PHACTR1: variants seen among roughly 807,000 people sequenced by gnomAD.
PHACTR1 encodes RPEL repeat containing 1.
In PHACTR1, 16 loss-of-function variants were observed where a neutral mutation model predicts 69.2. That is an observed-to-expected ratio of 0.23 (90% CI 0.16 to 0.35). PHACTR1 has a LOEUF of 0.35. Ranked by LOEUF, PHACTR1 falls within the 10% of genes least tolerant of loss-of-function variation. The pLI, the probability that PHACTR1 is intolerant of heterozygous loss-of-function variation, is 1.00. For missense variants in PHACTR1, 510 were observed against 734.7 expected (o/e 0.69, Z 3.54); for synonymous variants, 312 against 284.5 (o/e 1.10, Z -0.97).
chr6:12,921,026 G>C (rs1172705112), intron 4 of PHACTR1, among the ~76,000 whole-genome samples: 1 of 152,202 alleles, frequency 6.6e-6, no homozygotes, highest in Non-Finnish European at 1.5e-5. Context: ...TAAGGCACTT[G>C]TCCCCAGTTC....
intron 4 of PHACTR1, among the ~76,000 whole-genome samples, chr6:12,775,724 C>T (rs1029090022): frequency 6.6e-6 from 1 of 152,260 alleles, no homozygotes; most frequent in Middle Eastern, 3.4e-3. Flanking sequence ...TTTTTAGAAG[C>T]TTGGTATTTG....
At chr6:13,041,807 T>A (rs1407222797) in intron 4 of PHACTR1, among the ~76,000 whole-genome samples, 1 of 152,164 alleles carries the variant, frequency 6.6e-6, no homozygotes, top group Non-Finnish European at 1.5e-5. Flanking sequence ...CCTCAAACCA[T>A]CCACAGGAAA....
At chr6:13,088,072 T>A (rs1812604059) in intron 5 of PHACTR1, among the ~76,000 whole-genome samples, 1 of 152,074 alleles carries the variant, frequency 6.6e-6, no homozygotes. Flanking sequence ...ACCCCCTCTA[T>A]TTAACATAGT....
At chr6:12,982,631 T>G (rs1372226170) in intron 4 of PHACTR1, among the ~76,000 whole-genome samples, 1 of 152,164 alleles carries the variant, frequency 6.6e-6, no homozygotes, top group Non-Finnish European at 1.5e-5. Context: ...CGAGCCTGGG[T>G]GACAGAGCAA....
intron 4 of PHACTR1, among the ~76,000 whole-genome samples, chr6:13,005,027 A>T (rs568811643): frequency 1.5e-3 from 235 of 151,710 alleles, no homozygotes; most frequent in African/African-American, 5.2e-3. Flanking sequence ...ATATCTTTAA[A>T]TTTTTTATTA....
intron 3 of PHACTR1, among the ~76,000 whole-genome samples, chr6:12,723,975 T>A (rs1308648902): frequency 1.3e-5 from 2 of 152,228 alleles, no homozygotes; most frequent in African/African-American, 2.4e-5. Context: ...TAACTTTCTC[T>A]ATCTAGGTCT....
intron 4 of PHACTR1, among the ~76,000 whole-genome samples, chr6:12,834,029 C>T (rs996891241): frequency 3.3e-5 from 5 of 152,162 alleles, no homozygotes; most frequent in Admixed American, 2.6e-4. Context: ...CCCATCCTGA[C>T]AGTAGGCTAT....
chr6:13,284,577 CGT>C lies in PHACTR1; in HGVS notation c.1650+1016_1650+1017del, dbSNP rs1491291900. Reference sequence around the variant, plus strand: ...ATATATATATATATATATAGATACACGTATATATATATATATATACTGGAATA... The same window carrying C: ...ATATATATATATATATATAGATACACATATATATATATATATACTGGAATA... On this transcript the variant is annotated intron_variant, in intron 13 of 14. Coordinates refer to ENST00000332995, the MANE Select transcript of PHACTR1 (RefSeq NM_030948.6). Among the ~76,000 whole-genome samples the C allele has an allele frequency of 5.1e-5, 5 of 97,556 alleles. 1 individual carries two copies. Among genetic ancestry groups the C allele is most frequent in the African/African-American group, 1.7e-4 (3 of 18,150 alleles). The allele number at this position is 97,556 out of a possible 152,430, so 64.0% of individuals were successfully genotyped here.
chr6:13,012,493 G>GAA (rs1799551778), intron 4 of PHACTR1, among the ~76,000 whole-genome samples: 2 of 152,246 alleles, frequency 1.3e-5, no homozygotes, highest in African/African-American at 4.8e-5. Context: ...GGACAAGGGT[G>GAA]TGACTCAGAG....
chr6:12,725,079 C>T (rs1017891571), intron 3 of PHACTR1, among the ~76,000 whole-genome samples: 2 of 152,090 alleles, frequency 1.3e-5, no homozygotes, highest in Non-Finnish European at 2.9e-5. Context: ...CTGATGAATG[C>T]CACAGTGAGC....
intron 4 of PHACTR1, among the ~76,000 whole-genome samples, chr6:12,924,341 C>T (rs2127518447): frequency 6.6e-6 from 1 of 152,162 alleles, no homozygotes; most frequent in African/African-American, 2.4e-5. Flanking sequence ...ACAATTCAAG[C>T]TTTATTATTG....
intron 5 of PHACTR1, among the ~76,000 whole-genome samples, chr6:13,126,833 C>G (rs1250782888): frequency 5.9e-5 from 9 of 152,222 alleles, no homozygotes; most frequent in Non-Finnish European, 1.2e-4. Context: ...ATCTGTACTT[C>G]TAACCAATTG....
At chr6:13,051,739 T>G (rs905364369) in intron 4 of PHACTR1, among the ~76,000 whole-genome samples, 11 of 152,318 alleles carry the variant, frequency 7.2e-5, no homozygotes, top group African/African-American at 2.6e-4. Flanking sequence ...TTCACTTACA[T>G]TGAGTTTTAT....
At chr6:12,781,910 G>T (rs567801539) in intron 4 of PHACTR1, among the ~76,000 whole-genome samples, 2 of 152,308 alleles carry the variant, frequency 1.3e-5, no homozygotes, top group African/African-American at 4.8e-5. Flanking sequence ...AAGAAGCTGG[G>T]AACGTGATGT....
At chr6:13,133,345 C>G (rs11964894) in intron 5 of PHACTR1, among the ~76,000 whole-genome samples, 1 of 150,740 alleles carries the variant, frequency 6.6e-6, no homozygotes, top group Non-Finnish European at 1.5e-5. Flanking sequence ...TGATGCCAAA[C>G]GGAGGCCGGA....
At chr6:12,997,443 C>CT (rs1405993006) in intron 4 of PHACTR1, among the ~76,000 whole-genome samples, 1 of 149,318 alleles carries the variant, frequency 6.7e-6, no homozygotes, top group African/African-American at 2.4e-5. Context: ...AGGAGAGAGT[C>CT]TTTTTATTCT....
intron 4 of PHACTR1, among the ~76,000 whole-genome samples, chr6:12,928,305 G>A (rs550223853): frequency 5.1e-4 from 78 of 152,234 alleles, no homozygotes; most frequent in African/African-American, 1.8e-3. Flanking sequence ...TAGAAGCCAC[G>A]GTTGGTCCTT....
Position 12,988,859 on chromosome 6 carries a change from A to G in PHACTR1, c.251-64506A>G, listed in dbSNP as rs73366203. Among the ~76,000 whole-genome samples, 1,409 of 152,340 alleles carry G rather than the reference A, an allele frequency of 9.2e-3. 23 individuals carry two copies. Among genetic ancestry groups the G allele is most frequent in the African/African-American group, 0.032 (1,320 of 41,572 alleles). ...GCCTACTCATCTCACAGGAGTTTTG[A>G]GAGGATCAAACAGATAATAGGTGTG... On this transcript the variant is annotated intron_variant, in intron 4 of 14. Transcript: ENST00000332995.
chr6:12,915,340 C>T (rs1395319082), intron 4 of PHACTR1, among the ~76,000 whole-genome samples: 1 of 151,972 alleles, frequency 6.6e-6, no homozygotes, highest in Non-Finnish European at 1.5e-5. Flanking sequence ...AACCCTGTCT[C>T]TACTAAAAAT....
Sources: allele counts gnomAD v4.1 joint callset (sites outside exome capture counted in the v4.1 genomes callset), GRCh38; gene constraint gnomAD v4.1.1; transcripts MANE v1.5; gene names NCBI Gene and HGNC (gene_info 2026-07-23, HGNC 2026-07-21).